The following ATP2B1 variants were observed in gnomAD, a reference collection of about 807,000 sequenced individuals.
The protein encoded by ATP2B1 is ATPase plasma membrane Ca2+ transporting 1, also known as plasma membrane calcium-transporting ATPase 1.
A neutral mutation model predicts 124.2 loss-of-function variants in ATP2B1; 14 were observed. The ratio of observed to expected loss-of-function variants is 0.11; its 90% CI spans 0.07 to 0.18. The LOEUF (loss-of-function observed/expected upper bound fraction) is 0.18. Ranked by LOEUF, ATP2B1 falls within the 10% of genes least tolerant of loss-of-function variation. The pLI is 1.00. For synonymous variants in ATP2B1, 449 were observed against 492.4 expected, an observed-to-expected ratio of 0.91 and a Z score of 1.17; for missense variants, 763 against 1,466.1, an observed-to-expected ratio of 0.52 and a Z score of 7.83.
At chr12:89,700,054 A>G (rs902021481) in intron 1 of ATP2B1, among the ~76,000 whole-genome samples, 3 of 139,480 alleles carry the variant, frequency 2.2e-5, no homozygotes, top group Non-Finnish European at 3.1e-5. Flanking sequence ...AGGTTTTGTC[A>G]TGTTGCCCAG....
rs944888061 is a variant in ATP2B1 at position 89,604,706 on chromosome 12, AAAAC to A, written c.2443-364_2443-361del. Among the ~76,000 whole-genome samples, 269 of 152,288 alleles carry A rather than the reference AAAAC, an allele frequency of 1.8e-3. 1 individual carries two copies. Among genetic ancestry groups the A allele is most frequent in the African/African-American group, 5.5e-3 (228 of 41,558 alleles). On this transcript the variant is annotated intron_variant, in intron 15 of 20. Transcript: ENST00000428670. ...TTAGAGGAAAAGGAGATTCTACCAA[AAAAC>A]AAACAAACAAACAAAAAACCCATAA...
intron 20 of ATP2B1, chr12:89,594,803 T>C (rs1290421507): frequency 6.6e-6 from 1 of 152,036 alleles, no homozygotes; most frequent in African/African-American, 2.4e-5. Flanking sequence ...TAACATTGTT[T>C]ACTGCCTAAA....
At chr12:89,626,334 T>C (rs993527120) in intron 8 of ATP2B1, 120 bp downstream of exon 8, 1 of 1,110,206 alleles carries the variant, frequency 9.0e-7, no homozygotes, top group Non-Finnish European at 1.3e-6. Context: ...CTGAAAATAT[T>C]TCAAACTCCC....
At chr12:89,591,875 A>G (rs1253113231) in intron 20 of ATP2B1, among the ~76,000 whole-genome samples, 1 of 152,094 alleles carries the variant, frequency 6.6e-6, no homozygotes, top group Non-Finnish European at 1.5e-5. Flanking sequence ...ATGCCATTAA[A>G]CAGCTATAAA....
intron 20 of ATP2B1, among the ~76,000 whole-genome samples, chr12:89,596,650 A>C (rs1384597214): frequency 6.6e-6 from 1 of 152,192 alleles, no homozygotes; most frequent in East Asian, 1.9e-4. Flanking sequence ...ATTAATATAC[A>C]GATAAAGTAG....
chr12:89,702,523 T>A (rs1391498365), intron 1 of ATP2B1, among the ~76,000 whole-genome samples: 1 of 152,210 alleles, frequency 6.6e-6, no homozygotes, highest in Non-Finnish European at 1.5e-5. Flanking sequence ...ATACAATGAA[T>A]AATAGATCCA....
chr12:89,628,429 A>G (rs1881288243), intron 6 of ATP2B1, among the ~76,000 whole-genome samples: 1 of 123,840 alleles, frequency 8.1e-6, no homozygotes, highest in Non-Finnish European at 1.7e-5. Flanking sequence ...AAAAAAAAAA[A>G]AAAAAGACAA....
At chr12:89,659,661 G>A (rs1443758260) in intron 1 of ATP2B1, among the ~76,000 whole-genome samples, 3 of 152,180 alleles carry the variant, frequency 2.0e-5, no homozygotes, top group Admixed American at 1.3e-4. Context: ...AGTGGCTCAT[G>A]CCTGTAATCC....
intron 15 of ATP2B1, among the ~76,000 whole-genome samples, chr12:89,604,957 C>T (rs1046562278): frequency 2.6e-5 from 4 of 151,924 alleles, no homozygotes; most frequent in South Asian, 2.1e-4. Flanking sequence ...CTACTGAAGA[C>T]GCATTTAGAA....
chr12:89,599,166 C>T lies in ATP2B1; in HGVS notation c.3302G>A (p.Arg1101Gln). 6.2e-7 allele frequency: 1 copy of T among 1,614,098 alleles called. No homozygotes were observed. The highest frequency in any genetic ancestry group is 8.5e-7 in the Non-Finnish European group (1 of 1,180,012). Residue 1101 changes from arginine (R) to glutamine (Q), a missense_variant, in exon 20 of 21, where the codon CGG (arginine) becomes CAG (glutamine). Physicochemically the swap from Arg to Gln is conservative, Grantham distance 43. Transcript: ENST00000428670. ...EEIDHAEREL[R>Q]RGQILWFRGL... ...TCTAAACCACAAGATTTGGCCACGC[C>T]GCAACTCCCTTTCAGCGTGATCAAT...
intron 1 of ATP2B1, among the ~76,000 whole-genome samples, chr12:89,685,405 C>T (rs915787123): frequency 2.0e-5 from 3 of 152,264 alleles, no homozygotes; most frequent in African/African-American, 7.2e-5. Flanking sequence ...CTCCCTCCCC[C>T]ATCCTCAGGA....
At chr12:89,706,366 T>C (rs933025463) in intron 1 of ATP2B1, among the ~76,000 whole-genome samples, 31 of 150,082 alleles carry the variant, frequency 2.1e-4, no homozygotes, top group African/African-American at 7.1e-4. Flanking sequence ...AATCTGTTAA[T>C]AGGCCTACAG....
At chr12:89,596,413 C>T (rs1051093848) in intron 20 of ATP2B1, among the ~76,000 whole-genome samples, 4 of 151,986 alleles carry the variant, frequency 2.6e-5, no homozygotes, top group African/African-American at 4.8e-5. Flanking sequence ...ACTCATAACA[C>T]ACATACTGTC....
intron 11 of ATP2B1, among the ~76,000 whole-genome samples, chr12:89,617,363 C>T (rs1417795651): frequency 1.3e-5 from 2 of 152,102 alleles, no homozygotes; most frequent in African/African-American, 4.8e-5. Context: ...TATACTTCAC[C>T]ATTTTGGTAC....
intron 2 of ATP2B1, among the ~76,000 whole-genome samples, chr12:89,646,404 G>A (rs1305063732): frequency 1.3e-5 from 2 of 152,068 alleles, no homozygotes; most frequent in African/African-American, 4.8e-5. Flanking sequence ...TACAGCGTTG[G>A]AGCACCCAAC....
At position 89,688,283 on chromosome 12, in the gene ATP2B1, G is replaced by C. The variant is rs561097171; in HGVS notation, c.-222+20313C>G. 2.0e-5 allele frequency among the ~76,000 whole-genome samples: 3 copies of C among 152,228 alleles called. No homozygotes were observed. In the South Asian group the frequency reaches 6.2e-4, roughly 32 times the overall value. On this transcript the variant is annotated intron_variant, in intron 1 of 20. Transcript: ENST00000428670. ...TTACTCTTCATTACTGAGGATAACT[G>C]AGTGAACTATAAATAAAGCAGCAGT...
chr12:89,691,734 A>T (rs1188766882), intron 1 of ATP2B1, among the ~76,000 whole-genome samples: 1 of 152,156 alleles, frequency 6.6e-6, no homozygotes, highest in African/African-American at 2.4e-5. Flanking sequence ...CGACTCAAAT[A>T]ATCATTCTTT....
intron 6 of ATP2B1, among the ~76,000 whole-genome samples, chr12:89,628,746 G>A (rs1411400107): frequency 6.6e-6 from 1 of 152,098 alleles, no homozygotes; most frequent in Non-Finnish European, 1.5e-5. Context: ...ATCTTCAAAC[G>A]GAAAACATGG....
chr12:89,703,253 C>T (rs144264075), intron 1 of ATP2B1, among the ~76,000 whole-genome samples: 63 of 152,236 alleles, frequency 4.1e-4, no homozygotes, highest in African/African-American at 1.4e-3. Context: ...AGGTAATTCA[C>T]GTGGATATGG....
Sources: allele counts gnomAD v4.1 joint callset (sites outside exome capture counted in the v4.1 genomes callset), GRCh38; gene constraint gnomAD v4.1.1; transcripts MANE v1.5; gene names NCBI Gene and HGNC (gene_info 2026-07-23, HGNC 2026-07-21).